SPOCK1: variants seen among roughly 807,000 people sequenced by gnomAD.
The protein encoded by SPOCK1 is testican-1.
A neutral mutation model predicts 55.3 loss-of-function variants in SPOCK1; 23 were observed. The ratio of observed to expected loss-of-function variants is 0.42; its 90% CI spans 0.30 to 0.59. SPOCK1 has a LOEUF of 0.59. Ranked by LOEUF, SPOCK1 falls within the 20% of genes least tolerant of loss-of-function variation. The probability of loss-of-function intolerance (pLI) is 0.22; values close to 1 mark genes in which losing one functional copy is unlikely to be tolerated. For missense variants in SPOCK1, 499 were observed against 552.5 expected (o/e 0.90, Z 0.97); for synonymous variants, 226 against 221.0 (o/e 1.02, Z -0.20).
intron 3 of SPOCK1, among the ~76,000 whole-genome samples, chr5:137,203,662 C>T (rs921986591): frequency 1.3e-5 from 2 of 152,156 alleles, no homozygotes; most frequent in African/African-American, 2.4e-5. Flanking sequence ...CTATAATCCT[C>T]GAGAACTTGG....
chr5:137,327,299 A>C (rs1758098505), intron 2 of SPOCK1, among the ~76,000 whole-genome samples: 1 of 152,250 alleles, frequency 6.6e-6, no homozygotes, highest in Non-Finnish European at 1.5e-5. Flanking sequence ...ATATCCCAAT[A>C]ATGAAAACTG....
chr5:137,126,207 C>G (rs962744772), intron 4 of SPOCK1, among the ~76,000 whole-genome samples: 4 of 152,312 alleles, frequency 2.6e-5, no homozygotes, highest in Non-Finnish European at 5.9e-5. Flanking sequence ...GACCTCCCTC[C>G]TCTTTCTCTC....
At chr5:137,294,674 G>C (rs1757444015) in intron 2 of SPOCK1, among the ~76,000 whole-genome samples, 1 of 152,106 alleles carries the variant, frequency 6.6e-6, no homozygotes, top group African/African-American at 2.4e-5. Flanking sequence ...ACAGAGAAGG[G>C]AAGATGTTCC....
At chr5:137,282,832 T>C (rs764655633) in intron 2 of SPOCK1, among the ~76,000 whole-genome samples, 1 of 152,198 alleles carries the variant, frequency 6.6e-6, no homozygotes, top group Non-Finnish European at 1.5e-5. Flanking sequence ...CCAGAAATAC[T>C]GCACTAGACT....
intron 2 of SPOCK1, among the ~76,000 whole-genome samples, chr5:137,455,572 T>C (rs949642526): frequency 6.6e-6 from 1 of 152,176 alleles, no homozygotes; most frequent in African/African-American, 2.4e-5. Flanking sequence ...CCTGGAATAA[T>C]AGCAACCATT....
chr5:137,193,716 T>C (rs1313285354), intron 3 of SPOCK1, among the ~76,000 whole-genome samples: 1 of 152,140 alleles, frequency 6.6e-6, no homozygotes, highest in Non-Finnish European at 1.5e-5. Context: ...AACCTTTGGG[T>C]ACAACTAGCA....
chr5:137,471,960 G>A (rs540355042), intron 2 of SPOCK1, among the ~76,000 whole-genome samples: 3 of 152,166 alleles, frequency 2.0e-5, no homozygotes, highest in African/African-American at 4.8e-5. Context: ...GGTAGACTGC[G>A]CAGGAGAGGA....
chr5:137,469,629 T>C (rs1164379017), intron 2 of SPOCK1, among the ~76,000 whole-genome samples: 1 of 152,184 alleles, frequency 6.6e-6, no homozygotes, highest in African/African-American at 2.4e-5. Context: ...AGGGAGTATA[T>C]TATGTACTTC....
At chr5:137,451,268 T>C (rs1429728967) in intron 2 of SPOCK1, among the ~76,000 whole-genome samples, 5 of 152,148 alleles carry the variant, frequency 3.3e-5, no homozygotes, top group African/African-American at 9.7e-5. Flanking sequence ...GATCATTCCA[T>C]CTCTGCTTAC....
At chr5:137,060,551 C>T (rs1752377674) in intron 6 of SPOCK1, among the ~76,000 whole-genome samples, 2 of 152,050 alleles carry the variant, frequency 1.3e-5, no homozygotes, top group African/African-American at 2.4e-5. Flanking sequence ...TCATGACATG[C>T]AATTTATCTA....
intron 2 of SPOCK1, among the ~76,000 whole-genome samples, chr5:137,379,614 A>C (rs1751416466): frequency 7.1e-6 from 1 of 141,536 alleles, no homozygotes; most frequent in African/African-American, 2.6e-5. Context: ...TTTGGGAGCT[A>C]CTTAAAAATC....
At chr5:137,303,515 G>T (rs941312367) in intron 2 of SPOCK1, among the ~76,000 whole-genome samples, 3 of 152,160 alleles carry the variant, frequency 2.0e-5, no homozygotes, top group Non-Finnish European at 4.4e-5. Context: ...TTTTGCGTTT[G>T]CTATTAACAA....
intron 2 of SPOCK1, among the ~76,000 whole-genome samples, chr5:137,409,445 T>C (rs1475008412): frequency 6.6e-6 from 1 of 152,188 alleles, no homozygotes; most frequent in East Asian, 1.9e-4. Flanking sequence ...AAGTCTGGCC[T>C]AGCATCTCAG....
chr5:137,281,111 A>G (rs1299414114), intron 2 of SPOCK1, among the ~76,000 whole-genome samples: 2 of 152,150 alleles, frequency 1.3e-5, no homozygotes, highest in African/African-American at 4.8e-5. Flanking sequence ...AAATTCATAT[A>G]TTATCTATAT....
At chr5:137,421,203 T>C (rs1311219299) in intron 2 of SPOCK1, among the ~76,000 whole-genome samples, 1 of 152,084 alleles carries the variant, frequency 6.6e-6, no homozygotes, top group Non-Finnish European at 1.5e-5. Flanking sequence ...TGCTGAGGAG[T>C]GTTTTACTTC....
chr5:137,206,002 C>T (rs1225620149), intron 3 of SPOCK1, among the ~76,000 whole-genome samples: 1 of 152,134 alleles, frequency 6.6e-6, no homozygotes, highest in East Asian at 1.9e-4. Context: ...ATGGCAAAGC[C>T]AGGGTGAGAA....
chr5:137,462,577 C>T (rs968265385), intron 2 of SPOCK1, among the ~76,000 whole-genome samples: 7 of 152,116 alleles, frequency 4.6e-5, no homozygotes, highest in Non-Finnish European at 1.0e-4. Context: ...CTTGCCTGTG[C>T]GTTGTTTTCC....
intron 3 of SPOCK1, among the ~76,000 whole-genome samples, chr5:137,253,170 T>G (rs2127107421): frequency 6.6e-6 from 1 of 152,340 alleles, no homozygotes; most frequent in Non-Finnish European, 1.5e-5. Context: ...CAACATCATT[T>G]ATTCCCCTGC....
intron 2 of SPOCK1, among the ~76,000 whole-genome samples, chr5:137,368,222 G>C (rs1751118961): frequency 6.6e-6 from 1 of 152,160 alleles, no homozygotes; most frequent in Admixed American, 6.5e-5. Context: ...TTGTTTCCAG[G>C]CATGAACATA....
Sources: allele counts gnomAD v4.1 joint callset (sites outside exome capture counted in the v4.1 genomes callset), GRCh38; gene constraint gnomAD v4.1.1; transcripts MANE v1.5; gene names NCBI Gene and HGNC (gene_info 2026-07-23, HGNC 2026-07-21).